DAB1: variants seen among roughly 807,000 people sequenced by gnomAD.
The protein encoded by DAB1 is disabled homolog 1.
Under a neutral mutation model 64.6 loss-of-function variants are expected in DAB1, and 15 were observed. The ratio of observed to expected loss-of-function variants is 0.23; its 90% CI spans 0.16 to 0.36. DAB1 has a LOEUF of 0.36. DAB1 is among the 10% of genes least tolerant of loss of function. DAB1 has a pLI of 1.00. For missense variants in DAB1, 596 were observed against 706.7 expected (o/e 0.84, Z 1.78); for synonymous variants, 235 against 251.9 (o/e 0.93, Z 0.64).
intron 2 of DAB1, among the ~76,000 whole-genome samples, chr1:57,278,200 C>T (rs1175116093): frequency 6.6e-6 from 1 of 152,182 alleles, no homozygotes; most frequent in Non-Finnish European, 1.5e-5. Context: ...TCTATTTACA[C>T]GATGGGTGAC....
intron 1 of DAB1, chr1:57,880,271 T>C (rs61770279): frequency 0.24 from 36,680 of 152,036 alleles, 5,144 homozygotes; most frequent in Non-Finnish European, 0.32. Context: ...GTCTGGCTGG[T>C]AGGGGGTCTA....
In DAB1 at chr1:57,510,871, C is replaced by T. The variant is rs565521680; in HGVS notation, n.625+138721G>A. Among the ~76,000 whole-genome samples the T allele has an allele frequency of 2.4e-4, 37 of 152,232 alleles. No individual in the cohort carries two copies. The South Asian group carries it at 6.4e-3, about 26-fold the overall frequency. ...ACGGCTCACTGCATCCTCGAACTCC[C>T]GAACTCAAGCAATGCTCCTGCCTCA... On this transcript the variant is annotated intron_variant and non_coding_transcript_variant, in intron 7 of 20. Transcript: ENST00000485760.
intron 6 of DAB1, among the ~76,000 whole-genome samples, chr1:57,752,193 C>T (rs1648588304): frequency 6.6e-6 from 1 of 152,204 alleles, no homozygotes; most frequent in South Asian, 2.1e-4. Flanking sequence ...TTCAGACTTC[C>T]AAATGGAGAG....
chr1:58,506,256 A>AT (rs778260519), intron 2 of DAB1: 3 of 812,198 alleles, frequency 3.7e-6, no homozygotes, highest in African/African-American at 3.4e-5. Flanking sequence ...AGTTTTGAGG[A>AT]TTTTTTAAAA....
At chr1:57,984,268 A>G (rs1646156547) in intron 5 of DAB1, among the ~76,000 whole-genome samples, 1 of 149,288 alleles carries the variant, frequency 6.7e-6, no homozygotes, top group Admixed American at 6.6e-5. Context: ...AAGAAAAAAA[A>G]TTAAACAGCC....
At chr1:57,241,173 T>C (rs896047304) in intron 2 of DAB1, among the ~76,000 whole-genome samples, 1 of 152,184 alleles carries the variant, frequency 6.6e-6, no homozygotes, top group Non-Finnish European at 1.5e-5. Flanking sequence ...TAAATAAATA[T>C]GTATTAAATT....
At chr1:58,516,354 A>C (rs1466176921) in intron 2 of DAB1, among the ~76,000 whole-genome samples, 1 of 152,230 alleles carries the variant, frequency 6.6e-6, no homozygotes, top group South Asian at 2.1e-4. Flanking sequence ...TAATGACTGC[A>C]AAGTGTCAAA....
At chr1:57,288,231 G>A (rs1354269115) in intron 2 of DAB1, among the ~76,000 whole-genome samples, 2 of 152,102 alleles carry the variant, frequency 1.3e-5, no homozygotes, top group Non-Finnish European at 2.9e-5. Context: ...TACTTTTCAA[G>A]AGCCCCTTGG....
chr1:57,760,222 G>A (rs1649011873), intron 6 of DAB1, among the ~76,000 whole-genome samples: 2 of 152,084 alleles, frequency 1.3e-5, no homozygotes, highest in Non-Finnish European at 2.9e-5. Context: ...TTGCTAATAA[G>A]CCACATTATG....
intron 7 of DAB1, among the ~76,000 whole-genome samples, chr1:57,452,396 C>A (rs1686418681): frequency 6.6e-6 from 1 of 151,958 alleles, no homozygotes; most frequent in African/African-American, 2.4e-5. Context: ...GGTCAGTGGG[C>A]ATTAATGGTT....
chr1:57,324,681 T>C (rs1469911873), intron 1 of DAB1, among the ~76,000 whole-genome samples: 2 of 152,116 alleles, frequency 1.3e-5, no homozygotes, highest in Non-Finnish European at 2.9e-5. Context: ...CCCTCCCTCC[T>C]GCCTCATCAC....
intron 4 of DAB1, among the ~76,000 whole-genome samples, chr1:58,154,335 A>G (rs896259338): frequency 3.9e-5 from 6 of 152,160 alleles, no homozygotes; most frequent in African/African-American, 1.4e-4. Context: ...AAGGGAGTAC[A>G]GTAGAGTCCA....
chr1:58,375,309 C>T (rs1644312868), intron 3 of DAB1, among the ~76,000 whole-genome samples: 1 of 142,664 alleles, frequency 7.0e-6, no homozygotes. Context: ...ATGATATTGG[C>T]TGTGGGTTTG....
chr1:57,858,541 C>T (rs548326086), intron 1 of DAB1, among the ~76,000 whole-genome samples: 2 of 151,724 alleles, frequency 1.3e-5, no homozygotes, highest in African/African-American at 2.4e-5. Context: ...AAAAAAAAAG[C>T]CATTATCATT....
intron 5 of DAB1, among the ~76,000 whole-genome samples, chr1:58,065,943 G>A (rs574175616): frequency 2.6e-5 from 4 of 152,290 alleles, no homozygotes; most frequent in East Asian, 1.9e-4. Context: ...CCCTGTAGCC[G>A]AGGCAATCCC....
intron 5 of DAB1, among the ~76,000 whole-genome samples, chr1:58,000,515 A>ACTT (rs3991038): frequency 0.53 from 76,399 of 145,086 alleles, 20,174 homozygotes; most frequent in East Asian, 0.75. Flanking sequence ...TCTATCTCCC[A>ACTT]CTTAGTCTCT....
chr1:57,585,142 G>A (rs765431238), intron 7 of DAB1, among the ~76,000 whole-genome samples: 2 of 150,570 alleles, frequency 1.3e-5, no homozygotes, highest in Non-Finnish European at 3.0e-5. Flanking sequence ...CCAGCTACTC[G>A]GGAGGCTGAG....
At chr1:57,040,653 A>C (rs1647641979) in intron 9 of DAB1, among the ~76,000 whole-genome samples, 1 of 152,190 alleles carries the variant, frequency 6.6e-6, no homozygotes, top group Non-Finnish European at 1.5e-5. Context: ...ATACACAGAA[A>C]ACCAGAAATC....
At chr1:57,595,438 A>G (rs914188053) in intron 7 of DAB1, among the ~76,000 whole-genome samples, 5 of 152,142 alleles carry the variant, frequency 3.3e-5, no homozygotes, top group South Asian at 4.1e-4. Flanking sequence ...AGCACCTGCT[A>G]TGTGGTAAGC....
Sources: allele counts gnomAD v4.1 joint callset (sites outside exome capture counted in the v4.1 genomes callset), GRCh38; gene constraint gnomAD v4.1.1; transcripts MANE v1.5; gene names NCBI Gene and HGNC (gene_info 2026-07-23, HGNC 2026-07-21).